Variants in TRAFD1 observed in about 807,000 individuals in gnomAD.
TRAFD1 encodes the protein TRAF-type zinc finger domain containing 1.
Under a neutral mutation model 65.3 loss-of-function variants are expected in TRAFD1, and 38 were observed. The ratio of observed to expected loss-of-function variants is 0.58; its 90% confidence interval spans 0.45 to 0.76. The LOEUF is 0.76. TRAFD1 is among the 30% of genes least tolerant of loss of function. The pLI is 0.00. For synonymous variants in TRAFD1, 223 were observed against 257.2 expected (o/e 0.87, Z 1.27); for missense variants, 631 against 712.6 (o/e 0.89, Z 1.30).
Position 112,135,060 on chromosome 12 carries a change from G to T in TRAFD1, c.231G>T (p.Lys77Asn). Residue 77 changes from lysine (K) to asparagine (N), a missense_variant, in exon 4 of 12, where the codon AAG becomes AAT. Transcript: ENST00000412615. ...AGTTGGAGAAGAGGCTGTTAAAGAA[G>T]CATGAGGTTAGTCCATGGAGTGAGT... ...NKKLEKRLLK[K>N]HEETECPLRL... 6.2e-7 allele frequency: 1 copy of T among 1,614,208 alleles called. No homozygotes were observed. The highest frequency in any genetic ancestry group is 8.5e-7 in the Non-Finnish European group (1 of 1,180,030).
At chr12:112,142,031 G>A (rs748526412) in intron 5 of TRAFD1, 58 bp from the exon 6 acceptor site, 2 of 1,581,704 alleles carry the variant, frequency 1.3e-6, no homozygotes, top group Non-Finnish European at 1.7e-6. Flanking sequence ...ATGGACTTGA[G>A]TTGAGGGTGG....
chr12:112,144,462 G>C (rs1368597089), intron 6 of TRAFD1, among the ~76,000 whole-genome samples: 4 of 151,986 alleles, frequency 2.6e-5, no homozygotes, highest in Non-Finnish European at 5.9e-5. Flanking sequence ...GTAGAGACAG[G>C]GTTTTACCGT....
In TRAFD1 at chr12:112,152,236, G is replaced by A; in HGVS notation, c.1619+96G>A. ...CTTGCCAGGCCTGGGGTAAGACTGAGGTACTTGCATGGTAAGGGGAGGAGT... is the reference window on the plus strand; with the variant it reads ...CTTGCCAGGCCTGGGGTAAGACTGAAGTACTTGCATGGTAAGGGGAGGAGT... On this transcript the variant is annotated intron_variant, in intron 10 of 11. Coordinates refer to ENST00000412615, the MANE Select transcript of TRAFD1 (RefSeq NM_006700.3). This position sits in a 1 kb window ranked among gnomAD's most constrained non-coding sequence, Gnocchi z 5.0. 1.4e-6 allele frequency: 2 copies of A among 1,449,742 alleles called. No individual in the cohort carries two copies. Among genetic ancestry groups the A allele is most frequent in the Admixed American group, 3.9e-5 (2 of 50,968 alleles). The allele number at this position is 1,449,742 out of a possible 1,614,324, so 89.8% of individuals were successfully genotyped here.
chr12:112,152,749 G>T lies in TRAFD1; in HGVS notation c.1707G>T (p.Lys569Asn), dbSNP rs759685780. 6.2e-6 allele frequency: 10 copies of T among 1,614,234 alleles called. No individual in the cohort carries two copies. The highest frequency in any genetic ancestry group is 8.5e-6 in the Non-Finnish European group (10 of 1,180,050). The part of the protein sequence containing the change: ...RSRTAKAKPS[K>N]QQGAGDAEEE... ...TTGTTCACCAGGCAAAGCCTTCCAAGCAACAGGGAGCTGGGGATGCAGAAG... is the reference window on the plus strand; with the variant it reads ...TTGTTCACCAGGCAAAGCCTTCCAATCAACAGGGAGCTGGGGATGCAGAAG... The change falls in exon 12 of 12, where the codon AAG becomes AAT. Residue 569 changes from lysine to asparagine, a missense_variant. Coordinates refer to ENST00000412615, the MANE Select transcript of TRAFD1 (RefSeq NM_006700.3). The surrounding 1 kb of genome is among the most constrained non-coding windows in gnomAD (Gnocchi z 5.0).
At position 112,149,880 on chromosome 12, in the gene TRAFD1, T is replaced by C. The variant is rs749061357; in HGVS notation, c.1279+9T>C. On this transcript the variant is annotated intron_variant, in intron 9 of 11. Transcript: ENST00000412615. Reference sequence around the variant, plus strand: ...GCGTGTCAGACACCAGGGTATTTATTAGCCAGGACTCAGCCAAGGCCGCAG... The same window carrying C: ...GCGTGTCAGACACCAGGGTATTTATCAGCCAGGACTCAGCCAAGGCCGCAG... The C allele has an allele frequency of 1.9e-6, 3 of 1,613,888 alleles. No individual in the cohort carries two copies. Among genetic ancestry groups the C allele is most frequent in the Non-Finnish European group, 1.7e-6 (2 of 1,179,848 alleles).
At chr12:112,139,523 A>G (rs568144321) in intron 4 of TRAFD1, among the ~76,000 whole-genome samples, 1 of 151,638 alleles carries the variant, frequency 6.6e-6, no homozygotes, top group South Asian at 2.1e-4. Context: ...TCCCGGGTTC[A>G]AGCAATTCTC....
intron 4 of TRAFD1, among the ~76,000 whole-genome samples, chr12:112,135,292 G>C (rs2079592447): frequency 6.6e-6 from 1 of 152,178 alleles, no homozygotes; most frequent in African/African-American, 2.4e-5. Flanking sequence ...ATCTCCCTTT[G>C]GAACTGAGTC....
In TRAFD1 at chr12:112,129,006, A is replaced by G. The variant is rs2079554158; in HGVS notation, c.-12-1505A>G. Among the ~76,000 whole-genome samples, 4 of 147,430 alleles carry G rather than the reference A, an allele frequency of 2.7e-5. No individual in the cohort carries two copies. In the Admixed American group the frequency reaches 2.7e-4, roughly 10 times the overall value. ...AGATCGCACCACTGCACTCCAGCCT[A>G]GACAGCAGAGTGAGACTCTGTTTAA... On this transcript the variant is annotated intron_variant, in intron 1 of 11. Transcript: ENST00000412615.
At chr12:112,125,975 G>A (rs1022081867) in intron 1 of TRAFD1, 14 of 152,244 alleles carry the variant, frequency 9.2e-5, no homozygotes, top group African/African-American at 2.9e-4. Context: ...TGCCGGCGTG[G>A]GGGGTCGCGA....
In TRAFD1 at chr12:112,130,184, T is replaced by C. The variant is rs572283782; in HGVS notation, c.-12-327T>C. On this transcript the variant is annotated intron_variant, in intron 1 of 11. Transcript: ENST00000412615. The surrounding 1 kb of genome is among the most constrained non-coding windows in gnomAD (Gnocchi z 4.4). ...GACGTTACCCCATGTTGTGGCCAGG[T>C]TGGTCTTAAACTCCTGGGCTCAAGT... 2.8e-3 allele frequency among the ~76,000 whole-genome samples: 417 copies of C among 147,764 alleles called. 2 individuals carry two copies. The highest frequency in any genetic ancestry group is 4.9e-3 in the Non-Finnish European group (328 of 66,980).
chr12:112,138,560 AAAC>A (rs1316079216), intron 4 of TRAFD1, among the ~76,000 whole-genome samples: 1 of 151,290 alleles, frequency 6.6e-6, no homozygotes, highest in East Asian at 1.9e-4. Flanking sequence ...AAAAAAACAA[AAAC>A]AAAAACAAAA....
At chr12:112,146,150 C>A in intron 7 of TRAFD1, among the ~76,000 whole-genome samples, 1 of 144,466 alleles carries the variant, frequency 6.9e-6, no homozygotes, top group South Asian at 2.2e-4. Flanking sequence ...GCACATGTAC[C>A]CTAAAACTTA....
intron 1 of TRAFD1, among the ~76,000 whole-genome samples, chr12:112,129,193 A>ATTTTTTTT (rs56949881): frequency 1.2e-5 from 1 of 81,360 alleles, no homozygotes. Flanking sequence ...TGGGATGGTG[A>ATTTTTTTT]TTTTTTTTTT....
Position 112,142,160 on chromosome 12 carries a change from A to G in TRAFD1, c.715A>G (p.Asn239Asp), listed in dbSNP as rs746004265. 1.2e-6 allele frequency: 2 copies of G among 1,614,014 alleles called. No homozygotes were observed. The highest frequency in any genetic ancestry group is 1.7e-6 in the Non-Finnish European group (2 of 1,179,984). Reference protein sequence around the residue: ...PPKEGGEESANLDFMLALSLQ... With the variant: ...PPKEGGEESADLDFMLALSLQ... Reference sequence around the variant, plus strand: ...CAAAGAGGGTGGTGAAGAGAGTGCAAACTTGGACTTCATGTTGGCCCTAAG... The same window carrying G: ...CAAAGAGGGTGGTGAAGAGAGTGCAGACTTGGACTTCATGTTGGCCCTAAG... The change falls in exon 6 of 12, where the codon AAC (asparagine) becomes GAC (aspartate). Residue 239 changes from asparagine to aspartate, a missense_variant. By Grantham distance (23) the Asn-to-Asp change is conservative. Transcript: ENST00000412615.
rs1159094821 is a variant in TRAFD1, at chr12:112,152,408, T to G, written c.1620-19T>G. 1 of 1,611,192 alleles carries G rather than the reference T, an allele frequency of 6.2e-7. No individual in the cohort carries two copies. Among genetic ancestry groups the G allele is most frequent in the Non-Finnish European group, 8.5e-7 (1 of 1,180,032 alleles). Reference sequence around the variant, plus strand: ...CTCAGGGACACTTCAGGAGCTAGTTTCTAATTGTTTTCTTTCAGTGGTAGG... The same window carrying G: ...CTCAGGGACACTTCAGGAGCTAGTTGCTAATTGTTTTCTTTCAGTGGTAGG... On this transcript the variant is annotated intron_variant, in intron 10 of 11. Coordinates refer to ENST00000412615, the MANE Select transcript of TRAFD1 (RefSeq NM_006700.3). This position sits in a 1 kb window ranked among gnomAD's most constrained non-coding sequence, Gnocchi z 5.0.
intron 1 of TRAFD1, among the ~76,000 whole-genome samples, chr12:112,128,195 G>A (rs2079550983): frequency 6.6e-6 from 1 of 150,412 alleles, no homozygotes; most frequent in Admixed American, 6.6e-5. Flanking sequence ...TTAGTAGAGA[G>A]GTGTTTCGCC....
chr12:112,128,193 G>C (rs940972356), intron 1 of TRAFD1, among the ~76,000 whole-genome samples: 2 of 151,328 alleles, frequency 1.3e-5, no homozygotes, highest in African/African-American at 4.9e-5. Context: ...TTTTAGTAGA[G>C]AGGTGTTTCG....
intron 6 of TRAFD1, among the ~76,000 whole-genome samples, chr12:112,144,722 T>C (rs186348847): frequency 2.0e-5 from 3 of 152,132 alleles, no homozygotes; most frequent in Admixed American, 2.0e-4. Flanking sequence ...TTCTACACAA[T>C]ATAAACAAAA....
Position 112,141,137 on chromosome 12 carries a change from C to G in TRAFD1, c.556C>G (p.Leu186Val), listed in dbSNP as rs374469864. 31 of 1,614,040 alleles carry G rather than the reference C, an allele frequency of 1.9e-5. No individual in the cohort carries two copies. The African/African-American group carries it at 3.7e-4, about 19-fold the overall frequency. ...ACCCATGAGGCTGCCGCGAAGGCCC[C>G]TGAGAGCCTTTGAATCAGATGTTTT... ...DPPMRLPRRP[L>V]RAFESDVFHN... is the part of the protein sequence containing the mutation. Residue 186 changes from leucine to valine, a missense_variant, in exon 5 of 12, where the codon CTG becomes GTG. Coordinates refer to ENST00000412615, the MANE Select transcript of TRAFD1 (RefSeq NM_006700.3).
Sources: allele counts gnomAD v4.1 joint callset (sites outside exome capture counted in the v4.1 genomes callset), GRCh38; gene constraint gnomAD v4.1.1; non-coding constraint Gnocchi (gnomAD v3.1); transcripts MANE v1.5; gene names NCBI Gene and HGNC (gene_info 2026-07-23, HGNC 2026-07-21).